The following GPR19 variants were observed in gnomAD, a reference collection of about 807,000 sequenced individuals.
GPR19 encodes the protein G protein-coupled receptor 19.
Under a neutral mutation model 28.5 loss-of-function variants are expected in GPR19, and 14 were observed. That is an observed-to-expected ratio of 0.49 (90% CI 0.32 to 0.77). The LOEUF is 0.77. Among genes scored for constraint, GPR19 ranks in the 30% least tolerant of loss-of-function variants. The pLI is 0.03. For missense variants in GPR19, 409 were observed against 504.1 expected, an observed-to-expected ratio of 0.81 and a Z score of 1.81; for synonymous variants, 173 against 184.1, an observed-to-expected ratio of 0.94 and a Z score of 0.49.
chr12:12,694,320 T>A (rs1946231654), intron 2 of GPR19, among the ~76,000 whole-genome samples: 1 of 149,330 alleles, frequency 6.7e-6, no homozygotes, highest in African/African-American at 2.5e-5. Context: ...TGCCTCAGCC[T>A]CTGGAGTAGC....
chr12:12,681,833 G>C (rs1946027809), intron 3 of GPR19, among the ~76,000 whole-genome samples: 1 of 152,178 alleles, frequency 6.6e-6, no homozygotes. Context: ...TTGCTAACTT[G>C]AATTTAAATC....
chr12:12,689,586 CTT>C (rs59726887), intron 2 of GPR19, among the ~76,000 whole-genome samples: 1 of 148,268 alleles, frequency 6.7e-6, no homozygotes, highest in Admixed American at 6.7e-5. Flanking sequence ...GGATTAGACA[CTT>C]TTTTTTTTTC....
chr12:12,665,768 C>T (rs1240127126), intron 3 of GPR19, among the ~76,000 whole-genome samples: 4 of 117,340 alleles, frequency 3.4e-5, no homozygotes, highest in South Asian at 2.9e-4. Flanking sequence ...ACCCGGGAGG[C>T]GGAGCTTGCA....
intron 3 of GPR19, among the ~76,000 whole-genome samples, chr12:12,662,801 A>T (rs10492240): frequency 0.053 from 8,145 of 152,346 alleles, 330 homozygotes; most frequent in Non-Finnish European, 0.076. Flanking sequence ...AGGGATCTCA[A>T]ATCTGGCTCA....
chr12:12,708,307 T>C, the GPR19 span, among the ~76,000 whole-genome samples: 1 of 152,200 alleles, frequency 6.6e-6, no homozygotes, highest in Non-Finnish European at 1.5e-5. Context: ...ATTAGTTCAT[T>C]ACATTTTACT....
At chr12:12,692,560 G>C (rs1446960404) in intron 2 of GPR19, among the ~76,000 whole-genome samples, 1 of 152,154 alleles carries the variant, frequency 6.6e-6, no homozygotes, top group Non-Finnish European at 1.5e-5. Flanking sequence ...ACCCCAAAAA[G>C]AGGCAGAAAG....
At chr12:12,685,654 G>T (rs868426596) in intron 2 of GPR19, among the ~76,000 whole-genome samples, 32 of 152,206 alleles carry the variant, frequency 2.1e-4, no homozygotes, top group African/African-American at 7.2e-4. Flanking sequence ...GATTGCTGTC[G>T]GTCCTAAATC....
Position 12,694,188 on chromosome 12 carries a change from C to CTTTTTTTTTTT in GPR19, c.-180+1260_-180+1270dup, listed in dbSNP as rs147543699. Among the ~76,000 whole-genome samples, 260 of 43,850 alleles carry CTTTTTTTTTTT rather than the reference C, an allele frequency of 5.9e-3. 47 individuals carry two copies. Among genetic ancestry groups the CTTTTTTTTTTT allele is most frequent in the Admixed American group, 0.011 (28 of 2,484 alleles). The allele number at this position is 43,850 out of a possible 152,430, so 28.8% of individuals were successfully genotyped here. A position where few individuals can be genotyped will look rare whatever the true frequency, so the allele number is the denominator to read the frequency against. On this transcript the variant is annotated intron_variant, in intron 2 of 3. Transcript: ENST00000651487. ...TGTGTGGGCATGGTAGAGTACCTGT[C>CTTTTTTTTTTT]TTTTTTTTTTTTTTTTTTTTTTTTT...
chr12:12,686,288 C>T (rs74061756), intron 2 of GPR19, among the ~76,000 whole-genome samples: 2,218 of 152,256 alleles, frequency 0.015, 52 homozygotes, highest in African/African-American at 0.05. Context: ...ACATCCTCAT[C>T]GTATTTTCTA....
the GPR19 span, chr12:12,717,174 T>A: frequency 1.9e-6 from 2 of 1,035,920 alleles, no homozygotes; most frequent in Non-Finnish European, 2.3e-6. Flanking sequence ...GCAGTACCCC[T>A]CCAGCAGTCA....
chr12:12,685,716 T>A (rs1356532242), intron 2 of GPR19, among the ~76,000 whole-genome samples: 1 of 152,180 alleles, frequency 6.6e-6, no homozygotes, highest in Non-Finnish European at 1.5e-5. Context: ...ACTCTCCCCA[T>A]CCTCCACTGC....
the GPR19 span, chr12:12,716,659 A>G: frequency 9.2e-6 from 5 of 544,870 alleles, no homozygotes; most frequent in South Asian, 4.0e-4. Context: ...TCATTGAGGG[A>G]GAGCTTGAGT....
At chr12:12,714,924 ACTT>A in the GPR19 span, 1 of 152,156 alleles carries the variant, frequency 6.6e-6, no homozygotes, top group Non-Finnish European at 1.5e-5. Context: ...TGGCAGCCAG[ACTT>A]CTTAAGGTGG....
intron 2 of GPR19, among the ~76,000 whole-genome samples, chr12:12,686,032 A>G (rs1159103604): frequency 1.3e-5 from 2 of 152,266 alleles, no homozygotes; most frequent in Non-Finnish European, 2.9e-5. Context: ...AATTTTATTA[A>G]TACTTGGATA....
At chr12:12,676,761 T>G (rs1216244905) in intron 3 of GPR19, among the ~76,000 whole-genome samples, 1 of 152,212 alleles carries the variant, frequency 6.6e-6, no homozygotes, top group East Asian at 1.9e-4. Flanking sequence ...CTTCCCAGTA[T>G]GAGGTCTTTC....
intron 2 of GPR19, among the ~76,000 whole-genome samples, chr12:12,686,445 T>A (rs1946099254): frequency 6.6e-6 from 1 of 152,226 alleles, no homozygotes; most frequent in Non-Finnish European, 1.5e-5. Flanking sequence ...AGTCAGCAGG[T>A]TGGTGACTTG....
At chr12:12,713,561 C>T in the GPR19 span, among the ~76,000 whole-genome samples, 50 of 151,982 alleles carry the variant, frequency 3.3e-4, no homozygotes, top group Non-Finnish European at 6.6e-4. Context: ...GAGATGGAGT[C>T]TCACTCTGTC....
chr12:12,697,114 C>T (rs768872586), upstream of GPR19, among the ~76,000 whole-genome samples: 10 of 105,616 alleles, frequency 9.5e-5, no homozygotes, highest in Non-Finnish European at 1.6e-4. Context: ...AAACCTCAAG[C>T]AAAACCTACA....
At chr12:12,689,482 C>G (rs1946151373) in intron 2 of GPR19, among the ~76,000 whole-genome samples, 1 of 152,058 alleles carries the variant, frequency 6.6e-6, no homozygotes, top group African/African-American at 2.4e-5. Context: ...GTGACAGGAC[C>G]TCTTTGGGAG....
Sources: gnomAD v4.1 joint callset for allele counts (sites outside exome capture counted in the v4.1 genomes callset) on GRCh38, gnomAD v4.1.1 for gene constraint, MANE v1.5 for transcripts, NCBI Gene and HGNC (gene_info 2026-07-23, HGNC 2026-07-21) for gene names.